The following ARHGEF4 variants were observed in gnomAD, a reference collection of about 807,000 sequenced individuals.
The protein encoded by ARHGEF4 is APC-stimulated guanine nucleotide exchange factor 1.
ARHGEF4 carries 119 observed loss-of-function variants against 162.0 expected under a neutral mutation model. The ratio of observed to expected loss-of-function variants is 0.73; its 90% CI spans 0.63 to 0.86. ARHGEF4 has a LOEUF of 0.86. Ranked by LOEUF, ARHGEF4 falls within the 40% of genes least tolerant of loss-of-function variation. The probability of loss-of-function intolerance (pLI) is 0.00; values close to 1 mark genes in which losing one functional copy is unlikely to be tolerated. For missense variants in ARHGEF4, 2,488 were observed against 2,456.0 expected (o/e 1.01, Z -0.28); for synonymous variants, 1,014 against 979.9 (o/e 1.03, Z -0.65).
At position 130,940,334 on chromosome 2, in the gene ARHGEF4, G is replaced by C. The variant is rs146588393; in HGVS notation, c.3859-6175G>C. ...CCTAAGAATGGATAAAGTTTCAGCA[G>C]GGAAGCGTAGTTCAAATAGAGGGGA... On this transcript the variant is annotated intron_variant, in intron 3 of 13. Transcript: ENST00000409359. Among the ~76,000 whole-genome samples, 287 of 152,138 alleles carry C rather than the reference G, an allele frequency of 1.9e-3. 3 individuals are homozygous for C. The highest frequency in any genetic ancestry group is 6.6e-3 in the African/African-American group (274 of 41,514).
intron 1 of ARHGEF4, among the ~76,000 whole-genome samples, chr2:130,893,603 C>T (rs898302477): frequency 2.0e-5 from 3 of 152,288 alleles, no homozygotes; most frequent in East Asian, 1.9e-4. Context: ...TGAGCTGCTC[C>T]GTGTGCCTCA....
rs1559036570 is a variant in ARHGEF4, at chr2:130,915,639, T to A, written c.1693T>A (p.Ser565Thr). The A allele has an allele frequency of 6.5e-7, 1 of 1,550,058 alleles. No individual in the cohort carries two copies. The highest frequency in any genetic ancestry group is 2.4e-5 in the East Asian group (1 of 40,886). Residue 565 changes from serine (S) to threonine (T), a missense_variant, in exon 2 of 14, where the codon TCA becomes ACA. Transcript: ENST00000409359. ...TTQKSSAIDTSKAAEEAMVLD... is the reference protein window; with the variant it reads ...TTQKSSAIDTTKAAEEAMVLD... ...CCAGAAATCAAGCGCAATAGACACTTCAAAGGCAGCCGAAGAAGCCATGGT... is the reference window on the plus strand; with the variant it reads ...CCAGAAATCAAGCGCAATAGACACTACAAAGGCAGCCGAAGAAGCCATGGT...
At chr2:131,041,024 T>G (rs1387366111) in intron 8 of ARHGEF4, among the ~76,000 whole-genome samples, 2 of 152,120 alleles carry the variant, frequency 1.3e-5, no homozygotes, top group African/African-American at 4.8e-5. Context: ...CCGGGACACC[T>G]GCTCATATTC....
intron 1 of ARHGEF4, chr2:130,837,643 G>T: frequency 2.2e-6 from 1 of 449,404 alleles, no homozygotes; most frequent in Non-Finnish European, 4.5e-6. Context: ...GATGGGCCGG[G>T]GGCTCCGGGG....
intron 2 of ARHGEF4, among the ~76,000 whole-genome samples, chr2:130,918,619 C>T (rs569394749): frequency 3.3e-5 from 5 of 152,142 alleles, no homozygotes; most frequent in Non-Finnish European, 7.4e-5. Context: ...GCTGGGAGGG[C>T]GGCAGATAAG....
chr2:131,034,829 C>T, intron 5 of ARHGEF4: 1 of 221,040 alleles, frequency 4.5e-6, no homozygotes, highest in Non-Finnish European at 7.7e-6. Flanking sequence ...AAGGGCGCAG[C>T]GCAGCGCACG....
At chr2:131,024,742 A>G (rs1689366162) in intron 4 of ARHGEF4, among the ~76,000 whole-genome samples, 1 of 152,172 alleles carries the variant, frequency 6.6e-6, no homozygotes, top group South Asian at 2.1e-4. Flanking sequence ...ATGAAATTAT[A>G]TTGTATCTTA....
At chr2:130,961,277 G>A (rs1333860070) in intron 4 of ARHGEF4, among the ~76,000 whole-genome samples, 2 of 152,206 alleles carry the variant, frequency 1.3e-5, no homozygotes, top group South Asian at 4.1e-4. Context: ...GCAGACGGGA[G>A]AAGCAGCAAG....
chr2:131,023,294 G>C (rs1391467925), intron 4 of ARHGEF4, among the ~76,000 whole-genome samples: 1 of 151,876 alleles, frequency 6.6e-6, no homozygotes, highest in Non-Finnish European at 1.5e-5. Flanking sequence ...TTAGGCAAGT[G>C]TGGTGGTGTG....
intron 4 of ARHGEF4, among the ~76,000 whole-genome samples, chr2:130,999,710 T>C (rs1421859353): frequency 6.6e-6 from 1 of 152,166 alleles, no homozygotes; most frequent in Non-Finnish European, 1.5e-5. Flanking sequence ...TTTGTTTTGT[T>C]TTGTTTTTTG....
chr2:130,898,996 G>T (rs1297593785), intron 1 of ARHGEF4, among the ~76,000 whole-genome samples: 1 of 152,082 alleles, frequency 6.6e-6, no homozygotes, highest in African/African-American at 2.4e-5. Context: ...ATTCTCTATT[G>T]TAGCATCAGT....
chr2:131,043,379 C>T (rs1278973951), intron 10 of ARHGEF4, 73 bp from the exon 11 acceptor site: 1 of 1,594,856 alleles, frequency 6.3e-7, no homozygotes, highest in African/African-American at 1.3e-5. Context: ...CGCCACCCAC[C>T]CATGATGGGG....
At chr2:130,928,902 C>T (rs2105097044) in intron 2 of ARHGEF4, among the ~76,000 whole-genome samples, 1 of 152,284 alleles carries the variant, frequency 6.6e-6, no homozygotes, top group South Asian at 2.1e-4. Context: ...GCTACCTTGC[C>T]TCTCTCTATT....
chr2:130,841,331 T>G (rs1429573700), intron 1 of ARHGEF4, among the ~76,000 whole-genome samples: 2 of 151,680 alleles, frequency 1.3e-5, no homozygotes, highest in African/African-American at 4.8e-5. Context: ...CCCAAAGTGC[T>G]GGGATTACAA....
At chr2:130,856,139 G>A (rs1038525336) in intron 1 of ARHGEF4, among the ~76,000 whole-genome samples, 1 of 152,202 alleles carries the variant, frequency 6.6e-6, no homozygotes, top group Non-Finnish European at 1.5e-5. Flanking sequence ...TTCAAGGAAG[G>A]TGTGATAGCA....
At chr2:131,045,987 T>TGG (rs769186168) in intron 13 of ARHGEF4, 51 bp from the exon 14 acceptor site, 7 of 1,569,646 alleles carry the variant, frequency 4.5e-6, no homozygotes, top group Non-Finnish European at 6.1e-6. Context: ...ACAGCTGGGG[T>TGG]GGCACTCTGC....
intron 1 of ARHGEF4, among the ~76,000 whole-genome samples, chr2:130,868,160 C>T (rs1234088313): frequency 2.6e-5 from 4 of 151,928 alleles, no homozygotes; most frequent in African/African-American, 9.7e-5. Context: ...CTCCCGACGT[C>T]GTGATCCGCC....
chr2:130,916,478 C>CGCACCGCCTCT lies in ARHGEF4; in HGVS notation c.2538_2548dup (p.His850ArgfsTer78). ...ATCCGCCCGCTGCGGCCGGTCGGGA[C>CGCACCGCCTCT]GCACCGCCTCTGCACCACGGGGACG... is the stretch of plus-strand genomic sequence containing the variant. On this transcript the variant is annotated frameshift_variant, in exon 2 of 14. Transcript: ENST00000409359. LOFTEE classifies it high-confidence loss of function. 6.5e-7 allele frequency: 1 copy of CGCACCGCCTCT among 1,545,622 alleles called. No individual in the cohort carries two copies. Among genetic ancestry groups the CGCACCGCCTCT allele is most frequent in the Non-Finnish European group, 8.7e-7 (1 of 1,146,420 alleles).
intron 1 of ARHGEF4, among the ~76,000 whole-genome samples, chr2:130,908,983 C>T (rs1186358312): frequency 2.6e-5 from 4 of 152,096 alleles, no homozygotes; most frequent in African/African-American, 4.8e-5. Flanking sequence ...AAGGAGATAC[C>T]GCTTCACAGA....
Sources: gnomAD v4.1 joint callset for allele counts (sites outside exome capture counted in the v4.1 genomes callset) on GRCh38, gnomAD v4.1.1 for gene constraint, MANE v1.5 for transcripts, NCBI Gene and HGNC (gene_info 2026-07-23, HGNC 2026-07-21) for gene names.